CHRM2: variants seen among roughly 807,000 people sequenced by gnomAD.
CHRM2 encodes the protein cholinergic receptor muscarinic 2.
A neutral mutation model predicts 25.0 loss-of-function variants in CHRM2; 8 were observed. The observed-to-expected ratio is 0.32, with a 90% CI of 0.19 to 0.58. The LOEUF (loss-of-function observed/expected upper bound fraction) is 0.58. Ranked by LOEUF, CHRM2 falls within the 20% of genes least tolerant of loss-of-function variation. The pLI, the probability that CHRM2 is intolerant of heterozygous loss-of-function variation, is 0.88. For missense variants in CHRM2, 440 were observed against 567.1 expected, an observed-to-expected ratio of 0.78 and a Z score of 2.28; for synonymous variants, 202 against 205.7, an observed-to-expected ratio of 0.98 and a Z score of 0.15.
intron 2 of CHRM2, among the ~76,000 whole-genome samples, chr7:136,970,422 G>A (rs1447154273): frequency 6.6e-6 from 1 of 152,030 alleles, no homozygotes; most frequent in Admixed American, 6.6e-5. Flanking sequence ...CCCATCTTTA[G>A]CTTATTACAT....
At chr7:136,977,201 AAGATTTTAATGTCC>A (rs1335330626) in intron 2 of CHRM2, among the ~76,000 whole-genome samples, 1 of 152,136 alleles carries the variant, frequency 6.6e-6, no homozygotes, top group Non-Finnish European at 1.5e-5. Flanking sequence ...CCACATGATT[AAGATTTTAATGTCC>A]CCTACAACTG....
intron 2 of CHRM2, among the ~76,000 whole-genome samples, chr7:136,970,938 C>T (rs1269468051): frequency 6.6e-6 from 1 of 152,142 alleles, no homozygotes; most frequent in Non-Finnish European, 1.5e-5. Flanking sequence ...TCCTTTTTAA[C>T]TTTTCCAAAT....
intron 2 of CHRM2, among the ~76,000 whole-genome samples, chr7:136,907,152 T>C (rs1379252566): frequency 1.3e-5 from 2 of 151,890 alleles, no homozygotes; most frequent in South Asian, 2.1e-4. Flanking sequence ...TGGCTGTAAA[T>C]ACAGATGAAG....
chr7:137,001,203 T>A (rs1056843425), intron 3 of CHRM2, among the ~76,000 whole-genome samples: 10 of 152,180 alleles, frequency 6.6e-5, no homozygotes, highest in Non-Finnish European at 1.3e-4. Context: ...TCTAGCTACT[T>A]CCTCCTCCCC....
chr7:136,905,067 G>T (rs1421776318), intron 2 of CHRM2, among the ~76,000 whole-genome samples: 1 of 151,880 alleles, frequency 6.6e-6, no homozygotes, highest in African/African-American at 2.4e-5. Context: ...TATAGTTTGG[G>T]TTGTTCTTTT....
intron 3 of CHRM2, among the ~76,000 whole-genome samples, chr7:136,996,946 G>C (rs1375656802): frequency 6.6e-6 from 1 of 152,124 alleles, no homozygotes; most frequent in Non-Finnish European, 1.5e-5. Context: ...TAAAAATCCA[G>C]ATTTTCAGTG....
Position 136,869,732 on chromosome 7 carries a change from C to T in CHRM2, c.-125+314C>T, listed in dbSNP as rs1795739103. 1 of 152,556 alleles carries T rather than the reference C, an allele frequency of 6.6e-6. No individual in the cohort carries two copies. Among genetic ancestry groups the T allele is most frequent in the Non-Finnish European group, 1.5e-5 (1 of 68,336 alleles). 9.5% of individuals were successfully genotyped at this position (152,556 alleles called of 1,614,324 possible). A position where few individuals can be genotyped will look rare whatever the true frequency, so the allele number is the denominator to read the frequency against. On this transcript the variant is annotated intron_variant, in intron 2 of 3. Coordinates refer to ENST00000680005, the MANE Select transcript of CHRM2 (RefSeq NM_001006630.2). This position sits in a 1 kb window ranked among gnomAD's most constrained non-coding sequence, Gnocchi z 4.9. ...GAAAGCAGCCTGGGAGCTGCGCTGT[C>T]CCGGCGTCGCTCCCTATTCCAGCCC...
intron 2 of CHRM2, among the ~76,000 whole-genome samples, chr7:136,875,023 AATAT>A (rs10573438): frequency 1.3e-4 from 19 of 147,934 alleles, no homozygotes; most frequent in African/African-American, 4.0e-4. Flanking sequence ...TTTCTTGCTG[AATAT>A]ATATATATAT....
At chr7:136,942,303 A>G (rs761609982) in intron 2 of CHRM2, among the ~76,000 whole-genome samples, 3 of 152,116 alleles carry the variant, frequency 2.0e-5, no homozygotes, top group Admixed American at 6.6e-5. Flanking sequence ...ACCACAGCAA[A>G]TGTTTTCTTA....
rs1399437712 is a variant in CHRM2, at chr7:136,868,733, G to C, written c.-542G>C. The C allele has an allele frequency of 6.7e-6, 1 of 148,510 alleles. No individual in the cohort carries two copies. Among genetic ancestry groups the C allele is most frequent in the Non-Finnish European group, 1.5e-5 (1 of 67,936 alleles). The allele number at this position is 148,510 out of a possible 1,614,324, so 9.2% of individuals were successfully genotyped here. On this transcript the variant is annotated 5_prime_UTR_variant, in exon 1 of 4. Coordinates refer to ENST00000680005, the MANE Select transcript of CHRM2 (RefSeq NM_001006630.2). ...AAGGCGCCAGGGCGCAAAGACCTAGGGAGCGCGCGCGGGCACACACACACA... is the reference window on the plus strand; with the variant it reads ...AAGGCGCCAGGGCGCAAAGACCTAGCGAGCGCGCGCGGGCACACACACACA...
At chr7:136,970,697 GA>G (rs35141437) in intron 2 of CHRM2, among the ~76,000 whole-genome samples, 2 of 38,820 alleles carry the variant, frequency 5.2e-5, no homozygotes, top group Non-Finnish European at 1.1e-4. Context: ...TAATACTTCT[GA>G]AAAAAAAGTT....
intron 3 of CHRM2, among the ~76,000 whole-genome samples, chr7:137,011,500 C>T (rs1804825425): frequency 6.6e-6 from 1 of 151,948 alleles, no homozygotes; most frequent in Non-Finnish European, 1.5e-5. Flanking sequence ...GTTTCCAAGA[C>T]AGATCAAGTC....
intron 2 of CHRM2, among the ~76,000 whole-genome samples, chr7:136,966,268 ATTTG>A (rs1299996526): frequency 6.6e-6 from 1 of 151,530 alleles, no homozygotes; most frequent in Non-Finnish European, 1.5e-5. Context: ...TGTTTTATTC[ATTTG>A]TTTGTATAGG....
intron 2 of CHRM2, among the ~76,000 whole-genome samples, chr7:136,901,150 A>C (rs1797184054): frequency 6.6e-6 from 1 of 151,984 alleles, no homozygotes; most frequent in South Asian, 2.1e-4. Flanking sequence ...GAGTGTGGGC[A>C]CCCCCAAAGT....
chr7:136,894,242 T>C (rs1337133507), intron 2 of CHRM2, among the ~76,000 whole-genome samples: 1 of 152,184 alleles, frequency 6.6e-6, no homozygotes, highest in African/African-American at 2.4e-5. Context: ...ATCACTATCA[T>C]AATGGATATA....
chr7:136,976,655 G>A (rs1053717687), intron 2 of CHRM2, among the ~76,000 whole-genome samples: 6 of 152,140 alleles, frequency 3.9e-5, no homozygotes, highest in Non-Finnish European at 8.8e-5. Flanking sequence ...CTATTCTCGT[G>A]CATCAGGTCT....
chr7:136,934,800 T>G (rs1306186997), intron 2 of CHRM2, among the ~76,000 whole-genome samples: 1 of 151,844 alleles, frequency 6.6e-6, no homozygotes, highest in East Asian at 1.9e-4. Context: ...TCTGTAAGCT[T>G]GCTAAACAAA....
intron 2 of CHRM2, among the ~76,000 whole-genome samples, chr7:136,927,103 G>C (rs1236430563): frequency 6.6e-6 from 1 of 152,162 alleles, no homozygotes; most frequent in Non-Finnish European, 1.5e-5. Context: ...ATATGATCTT[G>C]AGTAAATTTA....
chr7:136,921,789 TC>T (rs1398175271), intron 2 of CHRM2, among the ~76,000 whole-genome samples: 58 of 144,638 alleles, frequency 4.0e-4, no homozygotes, highest in African/African-American at 5.0e-4. Flanking sequence ...TTTCTTTCTT[TC>T]TTTCTTTTTT....
Sources: gnomAD v4.1 joint callset for allele counts (sites outside exome capture counted in the v4.1 genomes callset) on GRCh38, gnomAD v4.1.1 for gene constraint, Gnocchi (gnomAD v3.1) non-coding constraint, MANE v1.5 for transcripts, NCBI Gene and HGNC (gene_info 2026-07-23, HGNC 2026-07-21) for gene names.